Variants in CENPP observed in about 807,000 individuals in gnomAD.
CENPP encodes the protein centromere protein P.
A neutral mutation model predicts 35.6 loss-of-function variants in CENPP; 24 were observed. The observed-to-expected ratio is 0.67, with a 90% CI of 0.49 to 0.95. The LOEUF is 0.95. CENPP is among the 40% of genes least tolerant of loss of function. The pLI, the probability that CENPP is intolerant of heterozygous loss-of-function variation, is 0.00. For synonymous variants in CENPP, 120 were observed against 125.5 expected (o/e 0.96, Z 0.29); for missense variants, 332 against 345.3 (o/e 0.96, Z 0.31).
intron 5 of CENPP, chr9:92,494,106 C>G (rs776219619): frequency 8.8e-6 from 14 of 1,597,842 alleles, no homozygotes; most frequent in Non-Finnish European, 8.5e-7. Flanking sequence ...AAGGCCACAT[C>G]TGATCTGTTT....
At chr9:92,359,262 C>T (rs1347766652) in intron 4 of CENPP, among the ~76,000 whole-genome samples, 2 of 151,984 alleles carry the variant, frequency 1.3e-5, no homozygotes, top group South Asian at 4.1e-4. Context: ...TTTTATATTT[C>T]TTTGTATCCC....
chr9:92,367,241 A>G (rs1022443793), intron 4 of CENPP, among the ~76,000 whole-genome samples: 3 of 152,136 alleles, frequency 2.0e-5, no homozygotes, highest in Non-Finnish European at 4.4e-5. Flanking sequence ...ATCTCGGCTC[A>G]CTACAACCTC....
intron 5 of CENPP, among the ~76,000 whole-genome samples, chr9:92,399,879 T>G (rs974722875): frequency 2.0e-5 from 3 of 152,214 alleles, no homozygotes; most frequent in Non-Finnish European, 4.4e-5. Context: ...CATATACCAG[T>G]ATCGCACTTT....
intron 5 of CENPP, chr9:92,415,086 AC>A: frequency 8.4e-7 from 1 of 1,188,278 alleles, no homozygotes; most frequent in African/African-American, 1.5e-5. Flanking sequence ...ATACATGTTT[AC>A]TTAGATTTAC....
At chr9:92,480,766 C>T (rs1031888178) in intron 5 of CENPP, among the ~76,000 whole-genome samples, 14 of 152,102 alleles carry the variant, frequency 9.2e-5, no homozygotes, top group Non-Finnish European at 2.9e-5. Flanking sequence ...TCACAGGTAC[C>T]AGTAGCAGAT....
intron 5 of CENPP, chr9:92,517,223 G>C (rs2131220064): frequency 5.9e-6 from 1 of 169,546 alleles, no homozygotes; most frequent in Non-Finnish European, 1.3e-5. Flanking sequence ...TGCTGCCTTT[G>C]AGTGGTTGGG....
At chr9:92,431,016 G>A (rs894407494) in intron 5 of CENPP, among the ~76,000 whole-genome samples, 5 of 151,896 alleles carry the variant, frequency 3.3e-5, no homozygotes, top group Admixed American at 6.6e-5. Flanking sequence ...GGATGGTCTC[G>A]ATCTCTTAAC....
chr9:92,576,614 C>A (rs996709008), intron 5 of CENPP, among the ~76,000 whole-genome samples: 4 of 151,778 alleles, frequency 2.6e-5, no homozygotes, highest in African/African-American at 9.7e-5. Context: ...TATCTCATAT[C>A]AATAAATAGG....
In CENPP at chr9:92,351,482, A is replaced by G. The variant is rs1357553032; in HGVS notation, c.467+5695A>G. On this transcript the variant is annotated intron_variant, in intron 4 of 7. Coordinates refer to ENST00000375587, the MANE Select transcript of CENPP (RefSeq NM_001012267.3). ...GACAGAGTGAGACTATCTCAAAAAA[A>G]AAAAAAAAAAACCAGAAACTTTGTA... Among the ~76,000 whole-genome samples the G allele has an allele frequency of 3.3e-5, 5 of 152,060 alleles. No individual in the cohort carries two copies. In the East Asian group the frequency reaches 9.7e-4, roughly 29 times the overall value.
intron 5 of CENPP, among the ~76,000 whole-genome samples, chr9:92,604,829 G>C (rs1233031881): frequency 2.6e-5 from 4 of 151,920 alleles, no homozygotes; most frequent in Non-Finnish European, 5.9e-5. Context: ...CCTGACCTCA[G>C]GTGATCCACC....
chr9:92,500,713 A>G, intron 5 of CENPP: 1 of 1,593,590 alleles, frequency 6.3e-7, no homozygotes. Context: ...ATACTTGAAA[A>G]AGCCAAAATT....
chr9:92,401,121 G>T, intron 5 of CENPP: 1 of 1,532,396 alleles, frequency 6.5e-7, no homozygotes, highest in Non-Finnish European at 9.0e-7. Context: ...AGGTAATGGT[G>T]TTATTGCCTC....
intron 5 of CENPP, among the ~76,000 whole-genome samples, chr9:92,395,421 C>A (rs889163206): frequency 2.0e-5 from 3 of 152,116 alleles, no homozygotes; most frequent in Non-Finnish European, 4.4e-5. Flanking sequence ...TTTACATGGT[C>A]ATTTCATATG....
At chr9:92,521,519 T>C (rs1353776983) in intron 5 of CENPP, among the ~76,000 whole-genome samples, 1 of 152,220 alleles carries the variant, frequency 6.6e-6, no homozygotes, top group Non-Finnish European at 1.5e-5. Context: ...TTTAGCTGTA[T>C]TGAGACAATA....
chr9:92,473,575 A>G (rs559774957), intron 5 of CENPP, among the ~76,000 whole-genome samples: 2 of 152,286 alleles, frequency 1.3e-5, no homozygotes, highest in African/African-American at 4.8e-5. Flanking sequence ...TGCTGTTTCC[A>G]CAGTCGTTCT....
At chr9:92,358,034 A>G (rs903796676) in intron 4 of CENPP, among the ~76,000 whole-genome samples, 2 of 151,996 alleles carry the variant, frequency 1.3e-5, no homozygotes, top group Non-Finnish European at 2.9e-5. Flanking sequence ...CTTGATTATA[A>G]TGTTTCTCTA....
chr9:92,524,255 G>GT (rs1315531766), intron 5 of CENPP, among the ~76,000 whole-genome samples: 1 of 152,174 alleles, frequency 6.6e-6, no homozygotes, highest in Non-Finnish European at 1.5e-5. Context: ...TTATAAGGAG[G>GT]TAAGAGTCAG....
rs188568130 is a variant in CENPP, at chr9:92,529,328, G to A, written c.565-81986G>A. On this transcript the variant is annotated intron_variant, in intron 5 of 7. Transcript: ENST00000375587. ...CACCCAGTGCTGGTGAGTGTGTGGA[G>A]CAACTGTAAGTCTCATTCGGTGCTG... 5.3e-4 allele frequency among the ~76,000 whole-genome samples: 80 copies of A among 152,310 alleles called. No individual in the cohort carries two copies. In the East Asian group the frequency reaches 0.012, roughly 22 times the overall value.
At chr9:92,407,044 A>C (rs1215639760) in intron 5 of CENPP, among the ~76,000 whole-genome samples, 2 of 152,150 alleles carry the variant, frequency 1.3e-5, no homozygotes, top group African/African-American at 4.8e-5. Context: ...CCAAAGGGGG[A>C]GATGCGTAGG....
Sources: allele counts gnomAD v4.1 joint callset (sites outside exome capture counted in the v4.1 genomes callset), GRCh38; gene constraint gnomAD v4.1.1; transcripts MANE v1.5; gene names NCBI Gene and HGNC (gene_info 2026-07-23, HGNC 2026-07-21).